The following KATNAL1 variants were observed in gnomAD, a reference collection of about 807,000 sequenced individuals.
KATNAL1 encodes katanin p60 ATPase-containing subunit A-like 1.
A neutral mutation model predicts 55.2 loss-of-function variants in KATNAL1; 32 were observed. That is an observed-to-expected ratio of 0.58 (90% CI 0.44 to 0.78). The LOEUF (loss-of-function observed/expected upper bound fraction) is 0.78, where lower values mean the gene tolerates loss of function less well. Ranked by LOEUF, KATNAL1 falls within the 30% of genes least tolerant of loss-of-function variation. The probability of loss-of-function intolerance (pLI) is 0.00; values close to 1 mark genes in which losing one functional copy is unlikely to be tolerated. For synonymous variants in KATNAL1, 193 were observed against 193.6 expected (o/e 1.00, Z 0.02); for missense variants, 466 against 600.9 (o/e 0.78, Z 2.35).
intron 4 of KATNAL1, among the ~76,000 whole-genome samples, chr13:30,243,537 T>C (rs1196644506): frequency 7.4e-6 from 1 of 134,970 alleles, no homozygotes; most frequent in Non-Finnish European, 1.5e-5. Context: ...CCAAGGAAAC[T>C]AGAGACATTT....
intron 4 of KATNAL1, among the ~76,000 whole-genome samples, chr13:30,243,907 A>C (rs1174902555): frequency 1.3e-5 from 2 of 151,978 alleles, no homozygotes; most frequent in Non-Finnish European, 2.9e-5. Flanking sequence ...GAAAGTGCAA[A>C]ATTTCTTGGA....
intron 4 of KATNAL1, among the ~76,000 whole-genome samples, chr13:30,244,009 C>T (rs1380919268): frequency 7.2e-5 from 11 of 151,972 alleles, no homozygotes; most frequent in African/African-American, 2.4e-4. Context: ...TATACACGTG[C>T]CATGGTCATT....
chr13:30,226,994 T>C (rs1468776291), intron 9 of KATNAL1, among the ~76,000 whole-genome samples: 1 of 152,112 alleles, frequency 6.6e-6, no homozygotes. Flanking sequence ...AAGAATCACT[T>C]GAACTTAGGA....
chr13:30,270,007 C>T (rs1462951042), intron 3 of KATNAL1, among the ~76,000 whole-genome samples: 2 of 146,376 alleles, frequency 1.4e-5, no homozygotes, highest in East Asian at 2.1e-4. Flanking sequence ...GCCAGCCGCC[C>T]CGTCCGGGAG....
chr13:30,301,936 A>G (rs1005918242), intron 1 of KATNAL1, among the ~76,000 whole-genome samples: 2 of 152,154 alleles, frequency 1.3e-5, no homozygotes, highest in Non-Finnish European at 2.9e-5. Flanking sequence ...CAATGGTGCA[A>G]TCTCAGCTCA....
chr13:30,249,906 G>A (rs532347612), intron 4 of KATNAL1, among the ~76,000 whole-genome samples: 9 of 152,268 alleles, frequency 5.9e-5, no homozygotes, highest in South Asian at 2.1e-4. Context: ...TGAGCCAGCC[G>A]TGAAATGCAG....
rs910359048 is a variant in KATNAL1, at chr13:30,207,855, T to C, written c.*685A>G. 11 of 152,152 alleles carry C rather than the reference T, an allele frequency of 7.2e-5. No homozygotes were observed. The highest frequency in any genetic ancestry group is 2.7e-4 in the African/African-American group (11 of 41,420). The allele number at this position is 152,152 out of a possible 1,614,324, so 9.4% of individuals were successfully genotyped here. Reference sequence around the variant, plus strand: ...ATTCTTCCCACCTTTCCATATTAAATGTAAGAAGCACCAGCAAAAAATACT... The same window carrying C: ...ATTCTTCCCACCTTTCCATATTAAACGTAAGAAGCACCAGCAAAAAATACT... On this transcript the variant is annotated 3_prime_UTR_variant, in exon 11 of 11. Coordinates refer to ENST00000380615, the MANE Select transcript of KATNAL1 (RefSeq NM_032116.5).
At chr13:30,245,266 T>C (rs968508013) in intron 4 of KATNAL1, among the ~76,000 whole-genome samples, 1 of 152,258 alleles carries the variant, frequency 6.6e-6, no homozygotes, top group East Asian at 1.9e-4. Flanking sequence ...AAATCAAAAA[T>C]GTAATCCATC....
chr13:30,248,107 T>C (rs1458449774), intron 4 of KATNAL1, among the ~76,000 whole-genome samples: 27 of 152,196 alleles, frequency 1.8e-4, no homozygotes, highest in Admixed American at 1.7e-3. Context: ...TAAAGCACTC[T>C]CACTTGGCAA....
intron 4 of KATNAL1, among the ~76,000 whole-genome samples, chr13:30,249,921 TAATA>T (rs1469130236): frequency 1.3e-5 from 2 of 152,194 alleles, no homozygotes; most frequent in African/African-American, 4.8e-5. Flanking sequence ...ATGCAGCCAT[TAATA>T]AATATTAAAT....
At chr13:30,243,789 T>C (rs566993452) in intron 4 of KATNAL1, among the ~76,000 whole-genome samples, 2 of 152,170 alleles carry the variant, frequency 1.3e-5, no homozygotes, top group African/African-American at 4.8e-5. Flanking sequence ...CACTGGGTCA[T>C]AGTCACACGG....
chr13:30,214,945 C>T (rs1180800135), intron 9 of KATNAL1, among the ~76,000 whole-genome samples: 3 of 151,974 alleles, frequency 2.0e-5, no homozygotes, highest in Non-Finnish European at 4.4e-5. Flanking sequence ...AACTAAAGAG[C>T]TTCTGCACAG....
chr13:30,210,367 A>G lies in KATNAL1; in HGVS notation c.1223T>C (p.Ile408Thr), dbSNP rs756926320. ...ELDPDIQLED[I>T]AEKIEGYSGA... ...AGAATAGCCCTCAATCTTCTCGGCT[A>G]TATCTTCCAGTTGAATATCAGGATC... Residue 408 changes from isoleucine (I) to threonine (T), a missense_variant, in exon 10 of 11, where the codon ATA becomes ACA. Physicochemically the swap from Ile to Thr is moderately conservative, Grantham distance 89. Around this residue, in one of 3 missense-constraint regions of KATNAL1, gnomAD observed 213 missense variants for 308.6 expected, o/e 0.69. Coordinates refer to ENST00000380615, the MANE Select transcript of KATNAL1 (RefSeq NM_032116.5). The G allele has an allele frequency of 1.6e-5, 26 of 1,610,614 alleles. No individual in the cohort carries two copies. The highest frequency in any genetic ancestry group is 2.0e-5 in the Non-Finnish European group (24 of 1,178,668).
At position 30,208,458 on chromosome 13, in the gene KATNAL1, C is replaced by T; in HGVS notation, c.*82G>A. On this transcript the variant is annotated 3_prime_UTR_variant, in exon 11 of 11. Transcript: ENST00000380615. Reference sequence around the variant, plus strand: ...GAAAACCACTCCACTGAAAAAAATTCCAAACTTGTTTTTTAAAAATTGCAG... The same window carrying T: ...GAAAACCACTCCACTGAAAAAAATTTCAAACTTGTTTTTTAAAAATTGCAG... 7.9e-7 allele frequency: 1 copy of T among 1,273,826 alleles called. No homozygotes were observed. The highest frequency in any genetic ancestry group is 1.1e-6 in the Non-Finnish European group (1 of 945,024). The allele number at this position is 1,273,826 out of a possible 1,614,324, so 78.9% of individuals were successfully genotyped here.
In KATNAL1 at chr13:30,206,312, T is replaced by G. The variant is rs1183396531; in HGVS notation, c.*2228A>C. 6.6e-6 allele frequency: 1 copy of G among 151,546 alleles called. No homozygotes were observed. The allele number at this position is 151,546 out of a possible 1,614,324, so 9.4% of individuals were successfully genotyped here. ...AATAAATAAATAAAATAAAATAAAA[T>G]AAAAGTTAAATAGAACACCTGAGGG... On this transcript the variant is annotated 3_prime_UTR_variant, in exon 11 of 11. Transcript: ENST00000380615.
chr13:30,283,729 C>G lies in KATNAL1; in HGVS notation c.49G>C (p.Ala17Pro). The G allele has an allele frequency of 6.2e-7, 1 of 1,613,604 alleles. No homozygotes were observed. The highest frequency in any genetic ancestry group is 8.5e-7 in the Non-Finnish European group (1 of 1,179,626). ...CDNAKKGREYALLGNYDSSMV... is the reference protein window; with the variant it reads ...CDNAKKGREYPLLGNYDSSMV... ...GATGAGTCGTAATTTCCAAGAAGGGCATATTCTCTTCCTTTCTTTGCATTA... is the reference window on the plus strand; with the variant it reads ...GATGAGTCGTAATTTCCAAGAAGGGGATATTCTCTTCCTTTCTTTGCATTA... Residue 17 changes from alanine to proline, a missense_variant, in exon 2 of 11, where the codon GCC (alanine) becomes CCC (proline). Ala to Pro is a conservative substitution (Grantham distance 27, BLOSUM62 -1). Coordinates refer to ENST00000380615, the MANE Select transcript of KATNAL1 (RefSeq NM_032116.5).
intron 3 of KATNAL1, among the ~76,000 whole-genome samples, chr13:30,269,535 G>A (rs1255750843): frequency 2.7e-5 from 4 of 145,594 alleles, no homozygotes; most frequent in African/African-American, 7.7e-5. Flanking sequence ...GCTGCCCATC[G>A]TCTGGGACGT....
At chr13:30,259,587 T>A (rs1271453536) in intron 3 of KATNAL1, among the ~76,000 whole-genome samples, 1 of 152,066 alleles carries the variant, frequency 6.6e-6, no homozygotes, top group Admixed American at 6.5e-5. Context: ...GGAGTTCCCT[T>A]TCCTAGTCAA....
intron 6 of KATNAL1, among the ~76,000 whole-genome samples, chr13:30,235,845 T>C (rs1362699417): frequency 4.7e-5 from 7 of 148,542 alleles, no homozygotes; most frequent in Non-Finnish European, 4.4e-5. Context: ...AACGTTTGAT[T>C]CCCAAAAAAA....
Sources: gnomAD v4.1 joint callset for allele counts (sites outside exome capture counted in the v4.1 genomes callset) on GRCh38, gnomAD v4.1.1 for gene constraint, gnomAD v4.1.1 regional missense constraint, MANE v1.5 for transcripts, NCBI Gene and HGNC (gene_info 2026-07-23, HGNC 2026-07-21) for gene names.